TBX20: variants seen among roughly 807,000 people sequenced by gnomAD.
The protein encoded by TBX20 is T-box transcription factor TBX20.
A neutral mutation model predicts 42.9 loss-of-function variants in TBX20; 8 were observed. That is an observed-to-expected ratio of 0.19 (90% CI 0.11 to 0.34). The LOEUF is 0.34. Among genes scored for constraint, TBX20 ranks in the 10% least tolerant of loss-of-function variants. The pLI, the probability that TBX20 is intolerant of heterozygous loss-of-function variation, is 1.00. For synonymous variants in TBX20, 198 were observed against 222.8 expected, an observed-to-expected ratio of 0.89 and a Z score of 0.99; for missense variants, 411 against 566.0, an observed-to-expected ratio of 0.73 and a Z score of 2.78.
At chr7:35,247,271 C>A (rs1011136452) in intron 3 of TBX20, among the ~76,000 whole-genome samples, 1 of 150,066 alleles carries the variant, frequency 6.7e-6, no homozygotes, top group Non-Finnish European at 1.5e-5. Flanking sequence ...TGGAAGGTAG[C>A]TAAAGAATAA....
intron 6 of TBX20, among the ~76,000 whole-genome samples, chr7:35,224,407 C>T (rs901620955): frequency 5.3e-5 from 8 of 152,116 alleles, no homozygotes; most frequent in African/African-American, 1.7e-4. Context: ...CGCAGTGGCT[C>T]AAGCCTGTTA....
chr7:35,233,679 T>C (rs2191883), intron 5 of TBX20, among the ~76,000 whole-genome samples: 80,436 of 152,068 alleles, frequency 0.53, 21,529 homozygotes, highest in Admixed American at 0.61. Context: ...CCCAGGCAAT[T>C]GATACAGTCT....
At chr7:35,205,026 T>C (rs528248519) in intron 6 of TBX20, among the ~76,000 whole-genome samples, 2 of 152,156 alleles carry the variant, frequency 1.3e-5, no homozygotes, top group African/African-American at 4.8e-5. Context: ...CAACAACCAA[T>C]GAAATGTTGG....
intron 6 of TBX20, among the ~76,000 whole-genome samples, chr7:35,218,642 T>C (rs1789629851): frequency 6.6e-6 from 1 of 152,180 alleles, no homozygotes; most frequent in Non-Finnish European, 1.5e-5. Flanking sequence ...TATTTCCATT[T>C]TTACAGGATT....
rs5883499 is a variant in TBX20, at chr7:35,250,329, C to CA, written c.128-127dup. On this transcript the variant is annotated intron_variant, in intron 1 of 7. Transcript: ENST00000408931. Reference sequence around the variant, plus strand: ...AAAAGTTAAGCTCAGAAACTCCAGGCAGGCTGTAGGGATGACCCATCATCA... The same window carrying CA: ...AAAAGTTAAGCTCAGAAACTCCAGGCAAGGCTGTAGGGATGACCCATCATCA... The CA allele has an allele frequency of 1, 1,187,157 of 1,187,160 alleles. 593,577 individuals are homozygous for CA. Among genetic ancestry groups the CA allele is most frequent in the Middle Eastern group, 1 (4,732 of 4,732 alleles). 73.5% of individuals were successfully genotyped at this position (1,187,160 alleles called of 1,614,324 possible).
rs1789412670 is a variant in TBX20 at position 35,207,062 on chromosome 7, AT to A, written c.891-2481del. On this transcript the variant is annotated intron_variant, in intron 6 of 7. Coordinates refer to ENST00000408931, the MANE Select transcript of TBX20 (RefSeq NM_001077653.2). ...TAAGGATGAAATGACTAAATTGCAT[AT>A]ATGTGCAATTTTTAAAGAAACTGCC... 3.3e-5 allele frequency among the ~76,000 whole-genome samples: 5 copies of A among 152,320 alleles called. No individual in the cohort carries two copies. In the South Asian group the frequency reaches 1.0e-3, roughly 32 times the overall value.
chr7:35,202,858 T>C, intron 7 of TBX20, 88 bp from the exon 8 acceptor site: 1 of 1,534,758 alleles, frequency 6.5e-7, no homozygotes, highest in Non-Finnish European at 8.8e-7. Context: ...AATTTGTGTT[T>C]AAGAATATTT....
At chr7:35,253,240 T>C (rs1790339137) in intron 1 of TBX20, among the ~76,000 whole-genome samples, 1 of 152,236 alleles carries the variant, frequency 6.6e-6, no homozygotes, top group South Asian at 2.1e-4. Flanking sequence ...ACACACACCA[T>C]ATGTCTGATC....
chr7:35,222,838 T>C (rs535068467), intron 6 of TBX20, among the ~76,000 whole-genome samples: 1 of 149,886 alleles, frequency 6.7e-6, no homozygotes, highest in East Asian at 1.9e-4. Context: ...GGACTTTGGA[T>C]TGTACCCTAA....
At chr7:35,221,161 T>C (rs1789675436) in intron 6 of TBX20, among the ~76,000 whole-genome samples, 1 of 151,818 alleles carries the variant, frequency 6.6e-6, no homozygotes, top group Non-Finnish European at 1.5e-5. Flanking sequence ...TAAAAAATGA[T>C]AAGAAAGACC....
intron 4 of TBX20, 151 bp from the exon 5 acceptor site, chr7:35,241,188 A>C (rs544463497): frequency 1.0e-4 from 68 of 678,064 alleles, no homozygotes; most frequent in Non-Finnish European, 1.6e-4. Flanking sequence ...AAGGCAAATC[A>C]TTTTCACAAG....
At chr7:35,225,215 T>C (rs1024805520) in intron 6 of TBX20, among the ~76,000 whole-genome samples, 4 of 152,190 alleles carry the variant, frequency 2.6e-5, no homozygotes, top group African/African-American at 9.7e-5. Flanking sequence ...AAATTCTCTT[T>C]ACAAAAGTAA....
intron 6 of TBX20, among the ~76,000 whole-genome samples, chr7:35,208,741 TCAAAAAAAAAAAAAAAAAAAA>T (rs1789443336): frequency 3.9e-5 from 1 of 25,424 alleles, no homozygotes; most frequent in African/African-American, 2.0e-4. Flanking sequence ...AAACTCCGTC[TCAAAAAAAAAAAAAAAAAAAA>T]AAAAAAAAAA....
At chr7:35,222,074 A>G (rs1316775039) in intron 6 of TBX20, among the ~76,000 whole-genome samples, 4 of 152,222 alleles carry the variant, frequency 2.6e-5, no homozygotes, top group African/African-American at 9.6e-5. Flanking sequence ...GGCAATAATT[A>G]TTAAAAAGAA....
chr7:35,241,750 C>A (rs1294967460), intron 4 of TBX20, among the ~76,000 whole-genome samples: 1 of 152,196 alleles, frequency 6.6e-6, no homozygotes, highest in Non-Finnish European at 1.5e-5. Context: ...TTCCATTCTG[C>A]AGCTAGTAAA....
chr7:35,240,374 T>C (rs966490179), intron 5 of TBX20, among the ~76,000 whole-genome samples: 44 of 152,222 alleles, frequency 2.9e-4, no homozygotes, highest in African/African-American at 1.0e-3. Context: ...TGATGTTACA[T>C]ACTATGGTTT....
At chr7:35,212,795 A>G (rs1337184668) in intron 6 of TBX20, among the ~76,000 whole-genome samples, 2 of 152,140 alleles carry the variant, frequency 1.3e-5, no homozygotes, top group Non-Finnish European at 2.9e-5. Context: ...ATCTTTTCAG[A>G]TACTCTTCCC....
rs73691642 is a variant in TBX20, at chr7:35,204,896, A to G, written c.891-314T>C. On this transcript the variant is annotated intron_variant, in intron 6 of 7. Coordinates refer to ENST00000408931, the MANE Select transcript of TBX20 (RefSeq NM_001077653.2). ...CCTGACCACAAGAATATGAAATTCCATGATGTGAAAAATAATGAGTGAATG... is the reference window on the plus strand; with the variant it reads ...CCTGACCACAAGAATATGAAATTCCGTGATGTGAAAAATAATGAGTGAATG... 4.1e-3 allele frequency among the ~76,000 whole-genome samples: 620 copies of G among 152,308 alleles called. 1 individual carries two copies. The highest frequency in any genetic ancestry group is 0.013 in the African/African-American group (559 of 41,564).
At chr7:35,239,257 G>A (rs543229437) in intron 5 of TBX20, among the ~76,000 whole-genome samples, 138 of 152,068 alleles carry the variant, frequency 9.1e-4, no homozygotes, top group African/African-American at 3.1e-3. Flanking sequence ...TGCCTTTCCC[G>A]AGGGTCTCCA....
Sources: gnomAD v4.1 joint callset for allele counts (sites outside exome capture counted in the v4.1 genomes callset) on GRCh38, gnomAD v4.1.1 for gene constraint, MANE v1.5 for transcripts, NCBI Gene and HGNC (gene_info 2026-07-23, HGNC 2026-07-21) for gene names.